Variants in LRBA observed in about 807,000 individuals in gnomAD.
LRBA encodes the protein LPS responsive beige-like anchor protein, also known as lipopolysaccharide-responsive and beige-like anchor protein.
LRBA carries 176 observed loss-of-function variants against 330.0 expected under a neutral mutation model. That is an observed-to-expected ratio of 0.53 (90% CI 0.47 to 0.60). The LOEUF (loss-of-function observed/expected upper bound fraction) is 0.60. Among genes scored for constraint, LRBA ranks in the 20% least tolerant of loss-of-function variants. LRBA has a pLI of 0.00. For synonymous variants in LRBA, 1,230 were observed against 1,193.0 expected (o/e 1.03, Z -0.64); for missense variants, 3,259 against 3,444.8 (o/e 0.95, Z 1.35).
At position 150,921,231 on chromosome 4, in the gene LRBA, A is replaced by G. The variant is rs200928013; in HGVS notation, c.612T>C (p.Asp204=). The change falls in exon 5 of 57, where the codon GAT becomes GAC. Residue 204 remains aspartate (D), a synonymous_variant. Transcript: ENST00000651943. Reference sequence around the variant, plus strand: ...TCTTTCCTGGAAAGTTAAAAAAGGCATCAGGACCATACTTCTGAGGCATAT... The same window carrying G: ...TCTTTCCTGGAAAGTTAAAAAAGGCGTCAGGACCATACTTCTGAGGCATAT... The part of the protein sequence containing the change: ...LKHMPQKYGP[D]AFFNFPGKSA... The G allele has an allele frequency of 7.4e-5, 120 of 1,613,266 alleles. 1 individual carries two copies. Among genetic ancestry groups the G allele is most frequent in the Non-Finnish European group, 9.6e-5 (113 of 1,179,224 alleles).
Position 150,357,692 on chromosome 4 carries a change from T to C in LRBA, c.7195-7533A>G, listed in dbSNP as rs1738070720. ...AAAAAAACCTTTAGTTTATTAAAAA[T>C]GGATGGGGAAAAATTATACCTATTT... On this transcript the variant is annotated intron_variant, in intron 47 of 56. Transcript: ENST00000651943. 3.3e-5 allele frequency among the ~76,000 whole-genome samples: 5 copies of C among 150,802 alleles called. No individual in the cohort carries two copies. In the South Asian group the frequency reaches 1.0e-3, roughly 32 times the overall value.
chr4:150,723,137 G>A (rs899004429), intron 36 of LRBA, among the ~76,000 whole-genome samples: 1 of 152,138 alleles, frequency 6.6e-6, no homozygotes, highest in African/African-American at 2.4e-5. Context: ...CACAAGGACG[G>A]CAATTTCTAG....
intron 37 of LRBA, among the ~76,000 whole-genome samples, chr4:150,639,805 ATGTGTGTG>A (rs1166703144): frequency 0.036 from 295 of 8,132 alleles, 50 homozygotes; most frequent in African/African-American, 0.067. Context: ...ATATATATAT[ATGTGTGTG>A]TGTGTGTATA....
At chr4:150,960,187 A>G (rs1340159412) in intron 2 of LRBA, among the ~76,000 whole-genome samples, 2 of 149,256 alleles carry the variant, frequency 1.3e-5, no homozygotes, top group Non-Finnish European at 2.9e-5. Flanking sequence ...CAGTGATTTA[A>G]TGGATCTAGA....
chr4:150,550,184 T>C (rs1176096130), intron 40 of LRBA, among the ~76,000 whole-genome samples: 1 of 152,162 alleles, frequency 6.6e-6, no homozygotes, highest in Non-Finnish European at 1.5e-5. Context: ...AAGTAAAACT[T>C]TAAACACTGT....
chr4:150,408,848 C>T (rs573017133), intron 47 of LRBA, among the ~76,000 whole-genome samples: 10 of 152,054 alleles, frequency 6.6e-5, no homozygotes, highest in Non-Finnish European at 1.3e-4. Context: ...CCTGTATTAT[C>T]TTGTTAAAGT....
intron 33 of LRBA, among the ~76,000 whole-genome samples, chr4:150,804,489 C>T (rs1324620829): frequency 1.3e-5 from 2 of 152,310 alleles, no homozygotes; most frequent in African/African-American, 2.4e-5. Context: ...TATAACCTTG[C>T]ATTTCCATTA....
chr4:150,993,639 G>A (rs1742335289), intron 2 of LRBA, among the ~76,000 whole-genome samples: 1 of 152,196 alleles, frequency 6.6e-6, no homozygotes, highest in Admixed American at 6.5e-5. Flanking sequence ...GAGGCCTCAG[G>A]ATCATGGAGG....
chr4:150,779,955 T>A (rs560461997), intron 34 of LRBA, among the ~76,000 whole-genome samples: 76 of 152,306 alleles, frequency 5.0e-4, no homozygotes, highest in African/African-American at 1.8e-3. Context: ...CCTTTATTAT[T>A]GTACAGCAAG....
intron 47 of LRBA, among the ~76,000 whole-genome samples, chr4:150,394,170 A>G (rs748343194): frequency 1.6e-4 from 24 of 150,488 alleles, no homozygotes; most frequent in Admixed American, 3.3e-4. Context: ...CATGTTTAAA[A>G]CCTACTGCCT....
chr4:150,589,126 ATGG>A (rs1772504413), intron 39 of LRBA, among the ~76,000 whole-genome samples: 1 of 152,010 alleles, frequency 6.6e-6, no homozygotes, highest in Non-Finnish European at 1.5e-5. Context: ...TCAATTCCTC[ATGG>A]TATAAATCCT....
Position 150,620,011 on chromosome 4 carries a change from A to T in LRBA, c.5922-20880T>A, listed in dbSNP as rs144593681. Reference sequence around the variant, plus strand: ...TAAATGAATGTAATTTAACTACAAAAAATTTATTGTATTCCTATTATGTAA... The same window carrying T: ...TAAATGAATGTAATTTAACTACAAATAATTTATTGTATTCCTATTATGTAA... On this transcript the variant is annotated intron_variant, in intron 37 of 56. Transcript: ENST00000651943. Among the ~76,000 whole-genome samples, 82 of 152,274 alleles carry T rather than the reference A, an allele frequency of 5.4e-4. 1 individual carries two copies. In the East Asian group the frequency reaches 0.014, roughly 26 times the overall value.
chr4:150,377,922 G>T (rs1018343720), intron 47 of LRBA, among the ~76,000 whole-genome samples: 1 of 146,104 alleles, frequency 6.8e-6, no homozygotes, highest in African/African-American at 2.5e-5. Flanking sequence ...AGTGAGCGGA[G>T]ATCATGCCAC....
At position 150,534,340 on chromosome 4, in the gene LRBA, T is replaced by TATAATA. The variant is rs36206816; in HGVS notation, c.6331-43311_6331-43306dup. 8.8e-3 allele frequency among the ~76,000 whole-genome samples: 1,267 copies of TATAATA among 143,748 alleles called. 13 individuals are homozygous for TATAATA. Among genetic ancestry groups the TATAATA allele is most frequent in the African/African-American group, 0.027 (1,068 of 39,558 alleles). The allele number at this position is 143,748 out of a possible 152,430, so 94.3% of individuals were successfully genotyped here. On this transcript the variant is annotated intron_variant, in intron 40 of 56. Transcript: ENST00000651943. Reference sequence around the variant, plus strand: ...TGCACATGTACCCTAAAACTTGAAGTATAATAATAATAATAATAATAATAA... The same window carrying TATAATA: ...TGCACATGTACCCTAAAACTTGAAGTATAATAATAATAATAATAATAATAATAATAA...
Position 150,868,249 on chromosome 4 carries a change from T to C in LRBA, c.2506A>G (p.Met836Val). Residue 836 changes from methionine to valine, a missense_variant, in exon 21 of 57, where the codon ATG becomes GTG. Transcript: ENST00000651943. ...GAAAGAAAGGCTCTGCGAACCTCCA[T>C]GCTCTCTGGGCACTGGGGAGAATTT... ...LRNSPQCPES[M>V]EVRRAFLSDM... 1 of 1,612,770 alleles carries C rather than the reference T, an allele frequency of 6.2e-7. No individual in the cohort carries two copies. The highest frequency in any genetic ancestry group is 8.5e-7 in the Non-Finnish European group (1 of 1,178,900).
At chr4:150,665,981 T>C (rs1781520753) in intron 37 of LRBA, among the ~76,000 whole-genome samples, 1 of 152,032 alleles carries the variant, frequency 6.6e-6, no homozygotes, top group African/African-American at 2.4e-5. Flanking sequence ...AAGTACAAAT[T>C]GCATAAAACC....
At chr4:150,842,467 T>A (rs533714708) in intron 28 of LRBA, among the ~76,000 whole-genome samples, 1 of 152,260 alleles carries the variant, frequency 6.6e-6, no homozygotes, top group African/African-American at 2.4e-5. Context: ...CTATTCTAGA[T>A]TTTTAAGGAT....
intron 37 of LRBA, among the ~76,000 whole-genome samples, chr4:150,674,679 C>T (rs913341777): frequency 6.6e-6 from 1 of 152,116 alleles, no homozygotes; most frequent in Non-Finnish European, 1.5e-5. Flanking sequence ...CAGTTTAAGA[C>T]CAGCCTGGGC....
chr4:150,413,296 C>T (rs1288278511), intron 47 of LRBA, among the ~76,000 whole-genome samples: 3 of 151,734 alleles, frequency 2.0e-5, no homozygotes, highest in Non-Finnish European at 4.4e-5. Context: ...CCCAGGAATT[C>T]CCAGAAATCT....
Sources: gnomAD v4.1 joint callset for allele counts (sites outside exome capture counted in the v4.1 genomes callset) on GRCh38, gnomAD v4.1.1 for gene constraint, MANE v1.5 for transcripts, NCBI Gene and HGNC (gene_info 2026-07-23, HGNC 2026-07-21) for gene names.